The following XKR9 variants were observed in gnomAD, a reference collection of about 807,000 sequenced individuals.
XKR9 encodes the protein XK related 9.
XKR9 carries 32 observed loss-of-function variants against 32.0 expected under a neutral mutation model. The ratio of observed to expected loss-of-function variants is 1.00; its 90% CI spans 0.76 to 1.34. XKR9 has a LOEUF of 1.34. XKR9 is among the 40% of genes most tolerant of loss of function. The pLI is 0.00. For missense variants in XKR9, 546 were observed against 429.7 expected (o/e 1.27, Z -2.39); for synonymous variants, 168 against 143.4 (o/e 1.17, Z -1.22).
chr8:70,876,582 T>A, the XKR9 span, among the ~76,000 whole-genome samples: 1 of 152,214 alleles, frequency 6.6e-6, no homozygotes, highest in African/African-American at 2.4e-5. Flanking sequence ...GGGCAACCTC[T>A]GGGTAAACTC....
chr8:71,008,288 TATGTCCC>T, the XKR9 span, among the ~76,000 whole-genome samples: 1 of 152,166 alleles, frequency 6.6e-6, no homozygotes, highest in East Asian at 1.9e-4. Flanking sequence ...TCCTGGCTCC[TATGTCCC>T]AATAAAAATG....
chr8:71,054,576 G>A, the XKR9 span, among the ~76,000 whole-genome samples: 1 of 152,166 alleles, frequency 6.6e-6, no homozygotes, highest in Non-Finnish European at 1.5e-5. Flanking sequence ...GCCCCCAGAT[G>A]TGTATTAAGG....
the XKR9 span, among the ~76,000 whole-genome samples, chr8:71,035,239 T>G: frequency 3.9e-5 from 6 of 152,192 alleles, no homozygotes; most frequent in Non-Finnish European, 7.3e-5. Flanking sequence ...GTATGCTAAT[T>G]AAATGCACAG....
the XKR9 span, among the ~76,000 whole-genome samples, chr8:71,021,950 G>A: frequency 8.5e-5 from 13 of 152,290 alleles, no homozygotes; most frequent in African/African-American, 2.9e-4. Context: ...TTTCTTCTAG[G>A]ATTCTTATAG....
the XKR9 span, among the ~76,000 whole-genome samples, chr8:71,057,837 G>T: frequency 6.6e-6 from 1 of 152,072 alleles, no homozygotes; most frequent in East Asian, 1.9e-4. Context: ...AGAATGATCT[G>T]GTCATGCCCA....
At chr8:70,899,188 G>A in the XKR9 span, among the ~76,000 whole-genome samples, 62 of 152,112 alleles carry the variant, frequency 4.1e-4, no homozygotes, top group African/African-American at 1.5e-3. Flanking sequence ...TCGGTGTAAG[G>A]CATTTTATTG....
chr8:70,937,913 C>A, the XKR9 span, among the ~76,000 whole-genome samples: 2 of 151,900 alleles, frequency 1.3e-5, no homozygotes, highest in African/African-American at 2.4e-5. Context: ...AAGTTAGCAT[C>A]CTTTCAGTTT....
intron 3 of XKR9, among the ~76,000 whole-genome samples, chr8:70,704,377 A>G (rs911348747): frequency 6.6e-6 from 1 of 152,180 alleles, no homozygotes; most frequent in African/African-American, 2.4e-5. Flanking sequence ...CTGGACATTA[A>G]AATGTGTACA....
the XKR9 span, among the ~76,000 whole-genome samples, chr8:70,937,942 T>A: frequency 3.5e-4 from 54 of 152,154 alleles, no homozygotes; most frequent in African/African-American, 1.2e-3. Flanking sequence ...TATACTGAAT[T>A]GACATAACCT....
At chr8:70,899,842 A>G in the XKR9 span, among the ~76,000 whole-genome samples, 2 of 152,216 alleles carry the variant, frequency 1.3e-5, no homozygotes, top group Admixed American at 6.5e-5. Context: ...TTTATATAAT[A>G]AATTGTTTAT....
chr8:70,985,637 A>C, the XKR9 span, among the ~76,000 whole-genome samples: 2 of 152,162 alleles, frequency 1.3e-5, no homozygotes, highest in African/African-American at 2.4e-5. Flanking sequence ...GGCATATGCT[A>C]CCTGAGGAAA....
chr8:70,771,750 T>C (rs924336614), intron 2 of XKR9, among the ~76,000 whole-genome samples: 1 of 152,162 alleles, frequency 6.6e-6, no homozygotes, highest in Non-Finnish European at 1.5e-5. Flanking sequence ...ACTAATGATA[T>C]CTTGTAGCTT....
chr8:70,858,365 A>G, the XKR9 span, among the ~76,000 whole-genome samples: 1 of 152,204 alleles, frequency 6.6e-6, no homozygotes, highest in Non-Finnish European at 1.5e-5. Context: ...TCCCATTCAC[A>G]ATTGCTTCAA....
the XKR9 span, among the ~76,000 whole-genome samples, chr8:70,949,594 A>T: frequency 6.6e-6 from 1 of 151,414 alleles, no homozygotes; most frequent in Non-Finnish European, 1.5e-5. Context: ...CTGTGTGTGT[A>T]TGTGTGTGTG....
the XKR9 span, among the ~76,000 whole-genome samples, chr8:70,948,476 G>A: frequency 6.6e-6 from 1 of 151,754 alleles, no homozygotes; most frequent in African/African-American, 2.4e-5. Flanking sequence ...ACCCACTGTT[G>A]GTTCTCTCCA....
chr8:70,849,177 T>C, the XKR9 span, among the ~76,000 whole-genome samples: 4 of 152,256 alleles, frequency 2.6e-5, no homozygotes, highest in East Asian at 7.7e-4. Context: ...TATTCTAAAA[T>C]TGACCACATG....
the XKR9 span, among the ~76,000 whole-genome samples, chr8:71,050,278 T>G: frequency 7.3e-6 from 1 of 136,196 alleles, no homozygotes; most frequent in Non-Finnish European, 1.5e-5. Context: ...TAGATAGATA[T>G]AGATATAGAT....
chr8:70,869,114 T>C, the XKR9 span, among the ~76,000 whole-genome samples: 3 of 152,238 alleles, frequency 2.0e-5, no homozygotes, highest in Non-Finnish European at 2.9e-5. Context: ...TTCTGAACTT[T>C]CCCACATTTT....
At chr8:70,730,055 A>G (rs561610044) in intron 4 of XKR9, among the ~76,000 whole-genome samples, 1 of 152,220 alleles carries the variant, frequency 6.6e-6, no homozygotes, top group African/African-American at 2.4e-5. Flanking sequence ...CTTGAAAAAA[A>G]TATATTTTTT....
Sources: gnomAD v4.1 joint callset for allele counts (sites outside exome capture counted in the v4.1 genomes callset) on GRCh38, gnomAD v4.1.1 for gene constraint, MANE v1.5 for transcripts, NCBI Gene and HGNC (gene_info 2026-07-23, HGNC 2026-07-21) for gene names.